THSD4: variants seen among roughly 807,000 people sequenced by gnomAD.
THSD4 encodes the protein thrombospondin type 1 domain containing 4, also known as thrombospondin type-1 domain-containing protein 4.
THSD4 carries 69 observed loss-of-function variants against 119.0 expected under a neutral mutation model. The observed-to-expected ratio is 0.58, with a 90% CI of 0.48 to 0.71. The LOEUF is 0.71. THSD4 is among the 30% of genes least tolerant of loss of function. The pLI is 0.00. For missense variants in THSD4, 1,393 were observed against 1,391.1 expected, an observed-to-expected ratio of 1.00 and a Z score of -0.02; for synonymous variants, 524 against 540.4, an observed-to-expected ratio of 0.97 and a Z score of 0.42.
At chr15:71,672,126 G>A (rs2051544359) in intron 8 of THSD4, among the ~76,000 whole-genome samples, 1 of 152,178 alleles carries the variant, frequency 6.6e-6, no homozygotes, top group Non-Finnish European at 1.5e-5. Flanking sequence ...AGCATGGAAT[G>A]TTTTTCCATT....
chr15:71,336,972 C>T (rs1178411028), intron 6 of THSD4, among the ~76,000 whole-genome samples: 1 of 152,108 alleles, frequency 6.6e-6, no homozygotes, highest in Non-Finnish European at 1.5e-5. Flanking sequence ...GCACAGTTTA[C>T]TTGAGGGCCT....
Position 71,759,866 on chromosome 15 carries a change from GA to G in THSD4, c.2589+1794del, listed in dbSNP as rs2053602102. Among the ~76,000 whole-genome samples, 3 of 152,104 alleles carry G rather than the reference GA, an allele frequency of 2.0e-5. No homozygotes were observed. In the South Asian group the frequency reaches 6.2e-4, roughly 32 times the overall value. ...ACAACCTTTATTTCTGCTAAGATTA[GA>G]AACAAAGGATTTGTTGCCCTGTTGT... On this transcript the variant is annotated intron_variant, in intron 15 of 17. Coordinates refer to ENST00000261862, the MANE Select transcript of THSD4 (RefSeq NM_024817.3).
At chr15:71,402,219 G>A (rs139198148) in intron 6 of THSD4, among the ~76,000 whole-genome samples, 1,497 of 148,586 alleles carry the variant, frequency 0.01, 75 homozygotes, top group Admixed American at 0.09. Context: ...ACCTGTTAAA[G>A]TATAATAATT....
rs569409607 is a variant in THSD4 at position 71,300,022 on chromosome 15, G to T, written c.1015+43307G>T. ...ATATATTAGCCATGGGTGGTGGCAGGCATCTGTGGTCCCAGTGACCCAGGA... is the reference window on the plus strand; with the variant it reads ...ATATATTAGCCATGGGTGGTGGCAGTCATCTGTGGTCCCAGTGACCCAGGA... On this transcript the variant is annotated intron_variant, in intron 6 of 17. Coordinates refer to ENST00000261862, the MANE Select transcript of THSD4 (RefSeq NM_024817.3). Among the ~76,000 whole-genome samples, 795 of 146,796 alleles carry T rather than the reference G, an allele frequency of 5.4e-3. 6 individuals carry two copies. Among genetic ancestry groups the T allele is most frequent in the African/African-American group, 0.019 (745 of 39,402 alleles).
At chr15:71,741,958 G>A (rs1265653399) in intron 11 of THSD4, among the ~76,000 whole-genome samples, 1 of 152,190 alleles carries the variant, frequency 6.6e-6, no homozygotes, top group Non-Finnish European at 1.5e-5. Flanking sequence ...TCTGTCCCAG[G>A]CGGTGATGGC....
intron 7 of THSD4, among the ~76,000 whole-genome samples, chr15:71,412,306 A>C (rs1487543009): frequency 6.6e-6 from 1 of 152,222 alleles, no homozygotes; most frequent in African/African-American, 2.4e-5. Context: ...TTAAACAGGA[A>C]GTTTTCAACC....
chr15:71,327,745 C>A (rs565541826), intron 6 of THSD4, among the ~76,000 whole-genome samples: 1 of 151,960 alleles, frequency 6.6e-6, no homozygotes, highest in South Asian at 2.1e-4. Context: ...CTTGATTTTT[C>A]TCTTGCCCCT....
Position 71,239,472 on chromosome 15 carries a change from A to G in THSD4, c.465-3177A>G, listed in dbSNP as rs1471979624. ...CAGAGCTGGGATTCAAACCCCAGAA[A>G]GCTGGCCTCAGGGTCCATGTCGTGA... On this transcript the variant is annotated intron_variant, in intron 4 of 17. Coordinates refer to ENST00000261862, the MANE Select transcript of THSD4 (RefSeq NM_024817.3). Among the ~76,000 whole-genome samples the G allele has an allele frequency of 3.9e-5, 6 of 152,218 alleles. No individual in the cohort carries two copies. The East Asian group carries it at 1.2e-3, about 29-fold the overall frequency.
intron 7 of THSD4, among the ~76,000 whole-genome samples, chr15:71,447,416 C>T (rs2047200997): frequency 6.6e-6 from 1 of 152,178 alleles, no homozygotes; most frequent in Non-Finnish European, 1.5e-5. Flanking sequence ...CAGGCATGAG[C>T]CACCACGCCC....
chr15:71,358,831 G>A (rs978027098), intron 6 of THSD4, among the ~76,000 whole-genome samples: 2 of 152,122 alleles, frequency 1.3e-5, no homozygotes, highest in Non-Finnish European at 2.9e-5. Context: ...GTGTAAAATG[G>A]GGATGATACT....
chr15:71,710,366 T>G (rs2052485083), intron 8 of THSD4, among the ~76,000 whole-genome samples: 1 of 152,216 alleles, frequency 6.6e-6, no homozygotes, highest in African/African-American at 2.4e-5. Flanking sequence ...ACAGAAATTA[T>G]TTTCTTACTC....
intron 7 of THSD4, among the ~76,000 whole-genome samples, chr15:71,438,801 C>T (rs981749403): frequency 3.9e-5 from 6 of 152,156 alleles, no homozygotes; most frequent in Admixed American, 2.6e-4. Context: ...TTGCTTTGCT[C>T]GGGGCTAATG....
At chr15:71,508,564 T>G (rs1595840031) in intron 7 of THSD4, among the ~76,000 whole-genome samples, 1 of 150,788 alleles carries the variant, frequency 6.6e-6, no homozygotes. Flanking sequence ...CGGCAGGGGG[T>G]GGGGTGGTGG....
chr15:71,563,421 T>C (rs988318428), intron 7 of THSD4, among the ~76,000 whole-genome samples: 2 of 152,140 alleles, frequency 1.3e-5, no homozygotes, highest in African/African-American at 2.4e-5. Context: ...CAAATATCAT[T>C]GAAAACATCT....
chr15:71,422,133 G>GT (rs1197367975), intron 7 of THSD4, among the ~76,000 whole-genome samples: 7 of 152,164 alleles, frequency 4.6e-5, no homozygotes, highest in African/African-American at 7.2e-5. Context: ...CATATCTCTT[G>GT]TTTTTTCAGG....
Position 71,510,104 on chromosome 15 carries a change from T to C in THSD4, c.1152+98281T>C, listed in dbSNP as rs146822800. Among the ~76,000 whole-genome samples the C allele has an allele frequency of 2.0e-3, 300 of 152,304 alleles. 1 individual carries two copies. The Middle Eastern group carries it at 0.024, about 12-fold the overall frequency. On this transcript the variant is annotated intron_variant, in intron 7 of 17. Coordinates refer to ENST00000261862, the MANE Select transcript of THSD4 (RefSeq NM_024817.3). ...CGCTGCTCTACTGGGGCAAGATACA[T>C]TTTATTAAAAACAGAACTTTGCCCA...
intron 7 of THSD4, among the ~76,000 whole-genome samples, chr15:71,656,550 C>T (rs6494953): frequency 0.97 from 148,194 of 152,262 alleles, 72,256 homozygotes; most frequent in East Asian, 1. Context: ...TAGGCCAGGC[C>T]CTCTCCAGGC....
At chr15:71,653,542 A>G (rs974640497) in intron 7 of THSD4, among the ~76,000 whole-genome samples, 5 of 152,198 alleles carry the variant, frequency 3.3e-5, no homozygotes, top group Admixed American at 2.0e-4. Context: ...ACATCCTACA[A>G]TGCATAAGGC....
At chr15:71,587,787 T>TAAAAAAAAAAAAAAAAAA (rs1207231444) in intron 7 of THSD4, among the ~76,000 whole-genome samples, 4 of 105,546 alleles carry the variant, frequency 3.8e-5, no homozygotes, top group Admixed American at 1.0e-4. Flanking sequence ...AAAAAAAAAT[T>TAAAAAAAAAAAAAAAAAA]AAAAAAAAAA....
Sources: gnomAD v4.1 joint callset for allele counts (sites outside exome capture counted in the v4.1 genomes callset) on GRCh38, gnomAD v4.1.1 for gene constraint, MANE v1.5 for transcripts, NCBI Gene and HGNC (gene_info 2026-07-23, HGNC 2026-07-21) for gene names.